Variants in CTNND2 observed in about 807,000 individuals in gnomAD.
The protein encoded by CTNND2 is catenin delta 2.
A neutral mutation model predicts 144.4 loss-of-function variants in CTNND2; 22 were observed. That is an observed-to-expected ratio of 0.15 (90% confidence interval 0.11 to 0.22). The LOEUF is 0.22. Among genes scored for constraint, CTNND2 ranks in the 10% least tolerant of loss-of-function variants. CTNND2 has a pLI of 1.00. For missense variants in CTNND2, 1,353 were observed against 1,618.8 expected, an observed-to-expected ratio of 0.84 and a Z score of 2.82; for synonymous variants, 751 against 695.6, an observed-to-expected ratio of 1.08 and a Z score of -1.25.
intron 3 of CTNND2, among the ~76,000 whole-genome samples, chr5:11,502,829 C>G (rs546200830): frequency 6.6e-6 from 1 of 152,254 alleles, no homozygotes; most frequent in South Asian, 2.1e-4. Context: ...AAAGAAAACA[C>G]TATGAAAGAA....
At chr5:11,491,180 T>C (rs1347192572) in intron 3 of CTNND2, among the ~76,000 whole-genome samples, 1 of 152,188 alleles carries the variant, frequency 6.6e-6, no homozygotes, top group Non-Finnish European at 1.5e-5. Flanking sequence ...ACACGGATTA[T>C]TATTACCACC....
At chr5:11,188,224 T>A (rs1735850779) in intron 11 of CTNND2, among the ~76,000 whole-genome samples, 1 of 152,070 alleles carries the variant, frequency 6.6e-6, no homozygotes, top group Admixed American at 6.6e-5. Context: ...AGTGATAGAC[T>A]GGATAAAGAA....
At chr5:11,049,587 G>A (rs902637335) in intron 16 of CTNND2, among the ~76,000 whole-genome samples, 2 of 152,112 alleles carry the variant, frequency 1.3e-5, no homozygotes, top group African/African-American at 2.4e-5. Flanking sequence ...CAGTCAGCAG[G>A]TGCACCAACC....
intron 2 of CTNND2, among the ~76,000 whole-genome samples, chr5:11,577,981 A>C (rs1349888260): frequency 1.3e-5 from 2 of 152,238 alleles, no homozygotes; most frequent in Non-Finnish European, 2.9e-5. Flanking sequence ...TTCCGTAATT[A>C]GGCAAACACA....
intron 9 of CTNND2, among the ~76,000 whole-genome samples, chr5:11,318,931 A>AAT (rs1751767122): frequency 6.6e-6 from 1 of 151,154 alleles, no homozygotes; most frequent in South Asian, 2.1e-4. Flanking sequence ...TAATAATAAT[A>AAT]ATATATATAT....
intron 12 of CTNND2, among the ~76,000 whole-genome samples, chr5:11,157,038 G>C (rs577966317): frequency 2.6e-5 from 4 of 152,254 alleles, no homozygotes; most frequent in African/African-American, 9.6e-5. Flanking sequence ...TGATAGGGTG[G>C]GGATGGTCTG....
At chr5:11,404,602 C>CTGTTTTT (rs1760926317) in intron 5 of CTNND2, among the ~76,000 whole-genome samples, 1 of 57,368 alleles carries the variant, frequency 1.7e-5, no homozygotes, top group Non-Finnish European at 4.0e-5. Context: ...TATCTGTATT[C>CTGTTTTT]TTTTTTTTTT....
At chr5:11,682,609 A>G (rs749499115) in intron 2 of CTNND2, among the ~76,000 whole-genome samples, 3 of 152,178 alleles carry the variant, frequency 2.0e-5, no homozygotes, top group Non-Finnish European at 4.4e-5. Context: ...ACAGATTTGG[A>G]GCTACATAAA....
intron 3 of CTNND2, among the ~76,000 whole-genome samples, chr5:11,525,452 G>A (rs1773153704): frequency 6.6e-6 from 1 of 151,918 alleles, no homozygotes; most frequent in East Asian, 1.9e-4. Context: ...TTAGGAAGAG[G>A]TTAAATTTAA....
At chr5:11,830,454 T>A (rs1445991356) in intron 1 of CTNND2, among the ~76,000 whole-genome samples, 1 of 152,136 alleles carries the variant, frequency 6.6e-6, no homozygotes. Flanking sequence ...TCTCATGAGA[T>A]CTGATGGTTT....
At chr5:11,798,147 G>A (rs1172541195) in intron 1 of CTNND2, among the ~76,000 whole-genome samples, 2 of 151,562 alleles carry the variant, frequency 1.3e-5, no homozygotes, top group Non-Finnish European at 2.9e-5. Context: ...CTGTAGTCCG[G>A]GTTACTCAGG....
At chr5:11,546,270 G>A (rs1052577299) in intron 3 of CTNND2, among the ~76,000 whole-genome samples, 1 of 132,706 alleles carries the variant, frequency 7.5e-6, no homozygotes, top group South Asian at 2.5e-4. Context: ...CATGGCATTT[G>A]ATTTATATCT....
chr5:11,485,411 CCCCCCAAAATAT>C (rs1340799563), intron 3 of CTNND2, among the ~76,000 whole-genome samples: 1 of 150,470 alleles, frequency 6.6e-6, no homozygotes, highest in African/African-American at 2.5e-5. Flanking sequence ...TCAATGCAAT[CCCCCCAAAATAT>C]CTATTTTAAT....
At chr5:11,459,524 T>A (rs1252365982) in intron 3 of CTNND2, among the ~76,000 whole-genome samples, 1 of 152,190 alleles carries the variant, frequency 6.6e-6, no homozygotes, top group African/African-American at 2.4e-5. Flanking sequence ...AAAAGCACCA[T>A]GTATGGGGAC....
chr5:11,432,720 G>A (rs1373329598), intron 3 of CTNND2, among the ~76,000 whole-genome samples: 3 of 152,000 alleles, frequency 2.0e-5, no homozygotes. Context: ...AGGAAATGAG[G>A]AGGCACTGCT....
chr5:11,709,887 A>T (rs1785924314), intron 2 of CTNND2, among the ~76,000 whole-genome samples: 1 of 152,198 alleles, frequency 6.6e-6, no homozygotes, highest in Non-Finnish European at 1.5e-5. Context: ...TCATTTAATA[A>T]AATTAAGATA....
chr5:11,656,317 T>C (rs919511414), intron 2 of CTNND2, among the ~76,000 whole-genome samples: 4 of 151,888 alleles, frequency 2.6e-5, no homozygotes. Flanking sequence ...TTAAACACTC[T>C]AGAAAAAAAG....
chr5:11,208,023 C>T (rs546430947), intron 10 of CTNND2, among the ~76,000 whole-genome samples: 1 of 151,842 alleles, frequency 6.6e-6, no homozygotes, highest in South Asian at 2.1e-4. Context: ...TGAAAGCTTC[C>T]TCATGGATAT....
At position 10,972,228 on chromosome 5, in the gene CTNND2, G is replaced by A. The variant is rs75879762; in HGVS notation, c.*1225C>T. 3.3e-5 allele frequency: 5 copies of A among 152,724 alleles called. No homozygotes were observed. In the East Asian group the frequency reaches 7.7e-4, roughly 24 times the overall value. The allele number at this position is 152,724 out of a possible 1,614,324, so 9.5% of individuals were successfully genotyped here. A position where few individuals can be genotyped will look rare whatever the true frequency, so the allele number is the denominator to read the frequency against. On this transcript the variant is annotated 3_prime_UTR_variant, in exon 22 of 22. Coordinates refer to ENST00000304623, the MANE Select transcript of CTNND2 (RefSeq NM_001332.4). ...AGAGAGGGTTGATATCCAAGTATGC[G>A]TGAATGTGTGAAAATCCTATAACTC... is the stretch of plus-strand genomic sequence containing the variant.
Sources: allele counts gnomAD v4.1 joint callset (sites outside exome capture counted in the v4.1 genomes callset), GRCh38; gene constraint gnomAD v4.1.1; transcripts MANE v1.5; gene names NCBI Gene and HGNC (gene_info 2026-07-23, HGNC 2026-07-21).